Variants in KANK1 observed in about 807,000 individuals in gnomAD.
The protein encoded by KANK1 is KN motif and ankyrin repeat domains 1.
Under a neutral mutation model 106.2 loss-of-function variants are expected in KANK1, and 109 were observed. That is an observed-to-expected ratio of 1.03 (90% CI 0.88 to 1.20). KANK1 has a LOEUF of 1.20. Ranked by LOEUF, KANK1 falls within the 50% of genes most tolerant of loss-of-function variation. The pLI is 0.00. For synonymous variants in KANK1, 873 were observed against 652.2 expected, an observed-to-expected ratio of 1.34 and a Z score of -5.16; for missense variants, 2,399 against 1,710.7, an observed-to-expected ratio of 1.40 and a Z score of -7.10.
At chr9:676,525 C>T (rs930092017) in intron 1 of KANK1, among the ~76,000 whole-genome samples, 1 of 152,076 alleles carries the variant, frequency 6.6e-6, no homozygotes, top group Non-Finnish European at 1.5e-5. Flanking sequence ...ACTTTTTGAA[C>T]CAGAATTTGG....
upstream of KANK1, chr9:504,611 C>CCGG (rs1180269760): frequency 6.6e-6 from 1 of 151,258 alleles, no homozygotes; most frequent in Non-Finnish European, 1.5e-5. Flanking sequence ...CTTCCCCGCC[C>CCGG]CGGCGGCGGC....
chr9:623,920 C>T (rs980661611), intron 1 of KANK1, among the ~76,000 whole-genome samples: 4 of 152,056 alleles, frequency 2.6e-5, no homozygotes, highest in African/African-American at 9.7e-5. Context: ...AAAGAGATAT[C>T]TTCACTTCCA....
At chr9:686,802 G>A in intron 2 of KANK1, 1 of 985,380 alleles carries the variant, frequency 1.0e-6, no homozygotes, top group Non-Finnish European at 1.2e-6. Context: ...GGAGCTGAGT[G>A]TTCTCTGAGG....
chr9:669,195 T>C (rs1845352157), intron 1 of KANK1, among the ~76,000 whole-genome samples: 1 of 152,222 alleles, frequency 6.6e-6, no homozygotes, highest in African/African-American at 2.4e-5. Flanking sequence ...TTTTGATAGA[T>C]TTGTCTTCTA....
chr9:595,770 C>T (rs1364927024), intron 1 of KANK1, among the ~76,000 whole-genome samples: 1 of 151,872 alleles, frequency 6.6e-6, no homozygotes, highest in African/African-American at 2.4e-5. Context: ...GATCCTCCTG[C>T]ATGGACCTCC....
chr9:485,815 G>C (rs2058282792), intron 3 of KANK1, among the ~76,000 whole-genome samples: 1 of 150,698 alleles, frequency 6.6e-6, no homozygotes, highest in African/African-American at 2.4e-5. Context: ...AGGCTGCAGT[G>C]AGCCAAGATC....
chr9:706,651 GAAC>G (rs972182475), intron 2 of KANK1, among the ~76,000 whole-genome samples: 3 of 150,842 alleles, frequency 2.0e-5, no homozygotes, highest in African/African-American at 4.9e-5. Context: ...TTTTTAAGAA[GAAC>G]TTTTCATCAG....
Position 712,939 on chromosome 9 carries a change from A to T in KANK1, c.2173A>T (p.Lys725Ter), listed in dbSNP as rs1288152214. ...AGTAGCTGTAGGAGAAGGCCGTGTCAAGGACATCAACTCCTCCACCAAGAC... is the reference window on the plus strand; with the variant it reads ...AGTAGCTGTAGGAGAAGGCCGTGTCTAGGACATCAACTCCTCCACCAAGAC... Reference protein sequence around the residue: ...RTVAVGEGRVKDINSSTKTRS... With the variant: ...RTVAVGEGRV Residue 725 changes from lysine to a stop codon, truncating the protein, a stop_gained, in exon 3 of 12, where the codon AAG becomes TAG. Transcript: ENST00000382297. LOFTEE classifies it high-confidence loss of function. 20 of 1,614,094 alleles carry T rather than the reference A, an allele frequency of 1.2e-5. No homozygotes were observed. The highest frequency in any genetic ancestry group is 1.7e-5 in the Non-Finnish European group (20 of 1,180,054).
At chr9:659,352 C>T (rs1457733947) in intron 1 of KANK1, among the ~76,000 whole-genome samples, 1 of 152,148 alleles carries the variant, frequency 6.6e-6, no homozygotes, top group African/African-American at 2.4e-5. Context: ...TGGCCTACCT[C>T]AGGGTCACCT....
chr9:514,146 TCCTCTCTCCCTCCCTTCCTCTCTCCCTC>T, intron 1 of KANK1, among the ~76,000 whole-genome samples: 1 of 36,598 alleles, frequency 2.7e-5, no homozygotes, highest in South Asian at 1.8e-3. Flanking sequence ...CTCCCTCCCT[TCCTCTCTCCCTCCCTTCCTCTCTCCCTC>T]CCTTCCTCTC....
chr9:703,502 C>T (rs900708898), intron 2 of KANK1, among the ~76,000 whole-genome samples: 74 of 152,174 alleles, frequency 4.9e-4, no homozygotes, highest in Non-Finnish European at 3.4e-4. Context: ...CAGTCTCCAC[C>T]ACTGGATTTC....
At chr9:629,355 C>G (rs1057351350) in intron 1 of KANK1, among the ~76,000 whole-genome samples, 73 of 152,246 alleles carry the variant, frequency 4.8e-4, no homozygotes, top group African/African-American at 1.7e-3. Flanking sequence ...CTCTCTTCCC[C>G]CAGCCACAGT....
At position 745,421 on chromosome 9, in the gene KANK1, T is replaced by C. The variant is rs1836938261; in HGVS notation, c.*186T>C. On this transcript the variant is annotated 3_prime_UTR_variant, in exon 12 of 12. Coordinates refer to ENST00000382297, the MANE Select transcript of KANK1 (RefSeq NM_015158.5). ...TGCTAGCCTGGGCACACACACCTCC[T>C]TTCTGGCCGTCTTCTGTGTAGGGCA... 1.2e-5 allele frequency: 7 copies of C among 602,800 alleles called. No individual in the cohort carries two copies. Among genetic ancestry groups the C allele is most frequent in the South Asian group, 2.0e-5 (1 of 50,162 alleles). 37.3% of individuals were successfully genotyped at this position (602,800 alleles called of 1,614,324 possible). A position where few individuals can be genotyped will look rare whatever the true frequency, so the allele number is the denominator to read the frequency against.
chr9:525,718 G>T (rs771265331), intron 1 of KANK1, among the ~76,000 whole-genome samples: 1 of 151,506 alleles, frequency 6.6e-6, no homozygotes, highest in Non-Finnish European at 1.5e-5. Context: ...AATAAGTGTT[G>T]CATTTTTATT....
At chr9:531,353 C>T (rs2060047486) in intron 1 of KANK1, among the ~76,000 whole-genome samples, 1 of 152,080 alleles carries the variant, frequency 6.6e-6, no homozygotes, top group South Asian at 2.1e-4. Context: ...GTTGCTTAAA[C>T]CCAGGAGGTG....
rs1463508244 is a variant in KANK1, at chr9:713,308, C to G, written c.2542C>G (p.Leu848Val). The change falls in exon 3 of 12, where the codon CTG becomes GTG. Residue 848 changes from leucine to valine, a missense_variant. Transcript: ENST00000382297. The part of the protein sequence containing the change: ...QTLLAENYSE[L>V]AEAFGEPHSQ... ...ACTGCTGGCTGAGAACTACAGTGAA[C>G]TGGCAGAAGCTTTCGGGGAACCTCA... The G allele has an allele frequency of 6.2e-7, 1 of 1,614,174 alleles. No homozygotes were observed. The highest frequency in any genetic ancestry group is 8.5e-7 in the Non-Finnish European group (1 of 1,180,020).
intron 1 of KANK1, among the ~76,000 whole-genome samples, chr9:608,031 A>ATTTTTTTTTTTTT (rs1175822024): frequency 6.8e-5 from 6 of 88,098 alleles, no homozygotes; most frequent in South Asian, 3.8e-4. Context: ...TATTATTATT[A>ATTTTTTTTTTTTT]TTATTTTTTT....
chr9:728,939 G>T (rs987537508), intron 3 of KANK1, among the ~76,000 whole-genome samples: 1 of 152,208 alleles, frequency 6.6e-6, no homozygotes, highest in Admixed American at 6.5e-5. Flanking sequence ...GTGTTTGCCT[G>T]TAACTTCTAG....
intron 1 of KANK1, among the ~76,000 whole-genome samples, chr9:608,034 A>ATTATTTTTT (rs550990252): frequency 9.5e-5 from 11 of 115,348 alleles, no homozygotes; most frequent in South Asian, 5.4e-4. Context: ...TATTATTATT[A>ATTATTTTTT]TTTTTTTTTT....
Sources: allele counts gnomAD v4.1 joint callset (sites outside exome capture counted in the v4.1 genomes callset), GRCh38; gene constraint gnomAD v4.1.1; transcripts MANE v1.5; gene names NCBI Gene and HGNC (gene_info 2026-07-23, HGNC 2026-07-21).